Variants in DSCAML1 observed in about 807,000 individuals in gnomAD.
DSCAML1 encodes the protein cell adhesion molecule DSCAML1.
In DSCAML1, 38 loss-of-function variants were observed where a neutral mutation model predicts 200.5. The ratio of observed to expected loss-of-function variants is 0.19; its 90% CI spans 0.15 to 0.25. The LOEUF (loss-of-function observed/expected upper bound fraction) is 0.25. Among genes scored for constraint, DSCAML1 ranks in the 10% least tolerant of loss-of-function variants. The pLI, the probability that DSCAML1 is intolerant of heterozygous loss-of-function variation, is 1.00. For missense variants in DSCAML1, 2,223 were observed against 2,858.8 expected (o/e 0.78, Z 5.07); for synonymous variants, 1,215 against 1,165.0 (o/e 1.04, Z -0.87).
chr11:117,458,664 A>C, intron 19 of DSCAML1, 90 bp downstream of exon 19: 2 of 1,503,484 alleles, frequency 1.3e-6, no homozygotes, highest in Non-Finnish European at 1.8e-6. Context: ...AAAGGACAGT[A>C]CCCTGCTCTC....
At chr11:117,796,631 G>A (rs1006937549) in intron 1 of DSCAML1, among the ~76,000 whole-genome samples, 3 of 152,192 alleles carry the variant, frequency 2.0e-5, no homozygotes, top group Non-Finnish European at 4.4e-5. Context: ...GAATAAGCAA[G>A]GACTCCTAGG....
intron 1 of DSCAML1, among the ~76,000 whole-genome samples, chr11:117,790,863 A>G (rs1408152684): frequency 6.6e-6 from 1 of 152,234 alleles, no homozygotes; most frequent in African/African-American, 2.4e-5. Flanking sequence ...TCCAACACAC[A>G]GACACACATA....
chr11:117,505,330 GC>G lies in DSCAML1; in HGVS notation c.2062+123del. The G allele has an allele frequency of 7.6e-7, 1 of 1,316,064 alleles. No individual in the cohort carries two copies. The highest frequency in any genetic ancestry group is 1.0e-6 in the Non-Finnish European group (1 of 968,892). 81.5% of individuals were successfully genotyped at this position (1,316,064 alleles called of 1,614,324 possible). On this transcript the variant is annotated intron_variant, in intron 9 of 32. Coordinates refer to ENST00000651296, the MANE Select transcript of DSCAML1 (RefSeq NM_020693.4). The surrounding 1 kb of genome is among the most constrained non-coding windows in gnomAD (Gnocchi z 6.7). ...AAATAAGAGGTTTAGGCTCCAACAG[GC>G]CCTTCAAGATGCTGGAGCCCACCTT...
chr11:117,589,508 T>C (rs1300335851), intron 3 of DSCAML1, among the ~76,000 whole-genome samples: 1 of 152,208 alleles, frequency 6.6e-6, no homozygotes, highest in African/African-American at 2.4e-5. Flanking sequence ...AAATGGTTCT[T>C]GTAAAGGAAA....
At chr11:117,801,833 TG>T (rs1400866099), upstream of DSCAML1, 1 of 152,244 alleles carries the variant, frequency 6.6e-6, no homozygotes, top group African/African-American at 2.4e-5. Flanking sequence ...CCAGGATGGT[TG>T]GTCAGGGGCT....
intron 3 of DSCAML1, among the ~76,000 whole-genome samples, chr11:117,585,006 T>G (rs917023461): frequency 1.3e-4 from 20 of 152,230 alleles, no homozygotes; most frequent in Non-Finnish European, 2.4e-4. Context: ...TCGAAAATAT[T>G]CCCAGTTAGT....
intron 3 of DSCAML1, among the ~76,000 whole-genome samples, chr11:117,687,033 TCTGCAGAG>T (rs1391868489): frequency 6.6e-6 from 1 of 152,204 alleles, no homozygotes; most frequent in African/African-American, 2.4e-5. Context: ...TAACCCCATC[TCTGCAGAG>T]CTGCAGACAC....
chr11:117,508,202 C>T (rs1189241729), intron 8 of DSCAML1, among the ~76,000 whole-genome samples: 2 of 152,170 alleles, frequency 1.3e-5, no homozygotes, highest in African/African-American at 2.4e-5. Context: ...CTGGGAAACT[C>T]CCCTATATCC....
intron 12 of DSCAML1, 113 bp from the exon 13 acceptor site, chr11:117,481,383 G>C (rs753332016): frequency 1.7e-4 from 167 of 1,010,704 alleles, no homozygotes; most frequent in Non-Finnish European, 2.4e-4. Flanking sequence ...TGTTCTGGGA[G>C]GGGGACCCAC....
intron 3 of DSCAML1, among the ~76,000 whole-genome samples, chr11:117,677,849 C>T (rs2053241551): frequency 6.6e-6 from 1 of 152,176 alleles, no homozygotes; most frequent in Admixed American, 6.5e-5. Context: ...AGAGGAGGGA[C>T]ACAACCCCAG....
chr11:117,596,232 T>A (rs1474067623), intron 3 of DSCAML1, among the ~76,000 whole-genome samples: 2 of 152,140 alleles, frequency 1.3e-5, no homozygotes, highest in Non-Finnish European at 2.9e-5. Flanking sequence ...TCATAAAAGA[T>A]CGCAAGGCAC....
At position 117,429,792 on chromosome 11, in the gene DSCAML1, G is replaced by A. The variant is rs192629349; in HGVS notation, c.5686+930C>T. On this transcript the variant is annotated intron_variant, in intron 32 of 32. Transcript: ENST00000651296. ...TGGGCCTCTTCCCCCGGGGAGCTGG[G>A]CCAGGCATTTTCCTTAGATTTTCTT... is the stretch of plus-strand genomic sequence containing the variant. Among the ~76,000 whole-genome samples, 10 of 152,356 alleles carry A rather than the reference G, an allele frequency of 6.6e-5. No individual in the cohort carries two copies. The East Asian group carries it at 1.2e-3, about 18-fold the overall frequency.
intron 3 of DSCAML1, among the ~76,000 whole-genome samples, chr11:117,577,590 G>A (rs187487396): frequency 0.015 from 1,959 of 129,850 alleles, 47 homozygotes; most frequent in African/African-American, 0.054. Flanking sequence ...TTTTTTTGAC[G>A]GAGCCTCGCT....
At chr11:117,572,290 G>A (rs543736226) in intron 3 of DSCAML1, among the ~76,000 whole-genome samples, 1 of 152,324 alleles carries the variant, frequency 6.6e-6, no homozygotes, top group Non-Finnish European at 1.5e-5. Flanking sequence ...GAAAGCCTTT[G>A]TGGTTTTCAC....
At chr11:117,588,286 C>T (rs1254582453) in intron 3 of DSCAML1, among the ~76,000 whole-genome samples, 1 of 152,160 alleles carries the variant, frequency 6.6e-6, no homozygotes, top group Non-Finnish European at 1.5e-5. Context: ...CATGACTCCT[C>T]CATCACTCGC....
At chr11:117,743,864 G>A (rs1217345587) in intron 3 of DSCAML1, among the ~76,000 whole-genome samples, 2 of 152,190 alleles carry the variant, frequency 1.3e-5, no homozygotes, top group South Asian at 2.1e-4. Flanking sequence ...GGAGAAGGTG[G>A]TGCTCTCCAC....
chr11:117,717,631 G>T (rs80295084), intron 3 of DSCAML1, among the ~76,000 whole-genome samples: 10 of 152,208 alleles, frequency 6.6e-5, no homozygotes, highest in Non-Finnish European at 1.2e-4. Flanking sequence ...GCGCCATGCC[G>T]TGTTCTAGGC....
At chr11:117,672,758 C>T (rs1471195854) in intron 3 of DSCAML1, among the ~76,000 whole-genome samples, 1 of 152,134 alleles carries the variant, frequency 6.6e-6, no homozygotes, top group African/African-American at 2.4e-5. Context: ...CACCATGAGC[C>T]CAGCATACTT....
At chr11:117,569,367 A>C (rs1234112953) in intron 3 of DSCAML1, among the ~76,000 whole-genome samples, 1 of 152,226 alleles carries the variant, frequency 6.6e-6, no homozygotes, top group Non-Finnish European at 1.5e-5. Context: ...AAAATTGACA[A>C]ATGGGATCTA....
Sources: gnomAD v4.1 joint callset for allele counts (sites outside exome capture counted in the v4.1 genomes callset) on GRCh38, gnomAD v4.1.1 for gene constraint, Gnocchi (gnomAD v3.1) non-coding constraint, MANE v1.5 for transcripts, NCBI Gene and HGNC (gene_info 2026-07-23, HGNC 2026-07-21) for gene names.